CADM2: variants seen among roughly 807,000 people sequenced by gnomAD.
CADM2 encodes the protein cell adhesion molecule 2.
A neutral mutation model predicts 49.8 loss-of-function variants in CADM2; 12 were observed. The observed-to-expected ratio is 0.24, with a 90% confidence interval of 0.15 to 0.39. The LOEUF (loss-of-function observed/expected upper bound fraction) is 0.39, where lower values mean the gene tolerates loss of function less well. Ranked by LOEUF, CADM2 falls within the 10% of genes least tolerant of loss-of-function variation. The pLI is 1.00. For synonymous variants in CADM2, 214 were observed against 175.4 expected (o/e 1.22, Z -1.74); for missense variants, 378 against 492.3 (o/e 0.77, Z 2.20).
chr3:85,096,208 A>C (rs976017867), intron 1 of CADM2, among the ~76,000 whole-genome samples: 12 of 152,158 alleles, frequency 7.9e-5, no homozygotes, highest in Non-Finnish European at 5.9e-5. Context: ...GAATATTCAC[A>C]TATCTAAAAA....
intron 1 of CADM2, among the ~76,000 whole-genome samples, chr3:85,036,189 T>C (rs555279374): frequency 6.6e-6 from 1 of 152,176 alleles, no homozygotes; most frequent in Non-Finnish European, 1.5e-5. Context: ...TGATTCTGAG[T>C]ATTTCCTTCT....
intron 1 of CADM2, among the ~76,000 whole-genome samples, chr3:84,974,385 C>A (rs1423146342): frequency 6.6e-6 from 1 of 151,922 alleles, no homozygotes; most frequent in Non-Finnish European, 1.5e-5. Context: ...ATTTTACTTT[C>A]TTTTGGTTTT....
intron 1 of CADM2, among the ~76,000 whole-genome samples, chr3:84,963,269 C>T (rs74519153): frequency 6.6e-6 from 1 of 152,118 alleles, no homozygotes; most frequent in Non-Finnish European, 1.5e-5. Context: ...AAGCTTGCCA[C>T]CTGTAACTAA....
intron 3 of CADM2, among the ~76,000 whole-genome samples, chr3:85,849,397 A>G (rs1369878667): frequency 1.3e-5 from 2 of 152,214 alleles, no homozygotes; most frequent in African/African-American, 4.8e-5. Context: ...TATTTTCTGA[A>G]GAATTTTAGC....
intron 1 of CADM2, among the ~76,000 whole-genome samples, chr3:85,540,161 G>T: frequency 6.6e-6 from 1 of 152,058 alleles, no homozygotes; most frequent in Non-Finnish European, 1.5e-5. Context: ...ATGAAATCTT[G>T]TAGGATTATA....
intron 1 of CADM2, among the ~76,000 whole-genome samples, chr3:85,436,844 A>G (rs991200636): frequency 6.6e-6 from 1 of 152,202 alleles, no homozygotes; most frequent in Non-Finnish European, 1.5e-5. Context: ...ATGAACCTAC[A>G]TTGACACATC....
At chr3:85,635,215 C>T (rs1199328080) in intron 1 of CADM2, among the ~76,000 whole-genome samples, 1 of 152,082 alleles carries the variant, frequency 6.6e-6, no homozygotes, top group African/African-American at 2.4e-5. Flanking sequence ...AGGATCACAT[C>T]ATGCCTGATG....
chr3:85,817,793 A>T (rs2073306565), intron 3 of CADM2, among the ~76,000 whole-genome samples: 1 of 152,046 alleles, frequency 6.6e-6, no homozygotes, highest in African/African-American at 2.4e-5. Context: ...AGCGTCGGCG[A>T]CAGAGCGAGA....
chr3:85,132,742 A>C (rs2039275152), intron 1 of CADM2, among the ~76,000 whole-genome samples: 1 of 152,118 alleles, frequency 6.6e-6, no homozygotes, highest in Non-Finnish European at 1.5e-5. Flanking sequence ...ATAAATGCAA[A>C]ATGTTCCTCT....
At chr3:85,701,858 AAGATAGATAGATAGATAGATAGATAGAT>A (rs56934991) in intron 1 of CADM2, among the ~76,000 whole-genome samples, 6 of 146,724 alleles carry the variant, frequency 4.1e-5, no homozygotes, top group Non-Finnish European at 7.5e-5. Flanking sequence ...TCTGTTGTAA[AAGATAGATAGATAGATAGATAGATAGAT>A]AGATAGATAG....
At chr3:85,533,972 A>G (rs2061373465) in intron 1 of CADM2, among the ~76,000 whole-genome samples, 1 of 152,158 alleles carries the variant, frequency 6.6e-6, no homozygotes, top group Admixed American at 6.6e-5. Context: ...TATCATTTAG[A>G]AATGCCATAG....
At chr3:85,701,458 C>G (rs976099374) in intron 1 of CADM2, among the ~76,000 whole-genome samples, 3 of 151,538 alleles carry the variant, frequency 2.0e-5, no homozygotes, top group African/African-American at 4.8e-5. Flanking sequence ...AAGGACCCAG[C>G]AATATGCTCT....
intron 8 of CADM2, among the ~76,000 whole-genome samples, chr3:85,988,696 GT>G (rs1455412071): frequency 6.6e-6 from 1 of 152,114 alleles, no homozygotes; most frequent in Non-Finnish European, 1.5e-5. Context: ...CACCAATATT[GT>G]TTAAAGAATT....
At chr3:85,643,926 G>C (rs1349206780) in intron 1 of CADM2, among the ~76,000 whole-genome samples, 1 of 151,984 alleles carries the variant, frequency 6.6e-6, no homozygotes, top group Non-Finnish European at 1.5e-5. Context: ...AGCTACATTG[G>C]GGGTTAGGGC....
At chr3:85,524,978 G>T (rs555590963) in intron 1 of CADM2, among the ~76,000 whole-genome samples, 1 of 152,162 alleles carries the variant, frequency 6.6e-6, no homozygotes, top group Admixed American at 6.5e-5. Context: ...TTCCTTGGGA[G>T]TGGAACATCA....
chr3:85,325,943 A>G (rs1022097796), intron 1 of CADM2, among the ~76,000 whole-genome samples: 3 of 152,192 alleles, frequency 2.0e-5, no homozygotes, highest in Non-Finnish European at 4.4e-5. Context: ...TAAATGAATT[A>G]TATTTTGAAT....
chr3:85,167,475 T>C (rs2040501477), intron 1 of CADM2, among the ~76,000 whole-genome samples: 1 of 152,124 alleles, frequency 6.6e-6, no homozygotes, highest in Non-Finnish European at 1.5e-5. Flanking sequence ...CAGGAAACAT[T>C]TGAAAGCAAC....
At chr3:85,045,708 T>C (rs1375911683) in intron 1 of CADM2, among the ~76,000 whole-genome samples, 3 of 152,090 alleles carry the variant, frequency 2.0e-5, no homozygotes, top group Non-Finnish European at 4.4e-5. Flanking sequence ...TGATGACATC[T>C]TTTAGAGCTC....
At chr3:85,837,029 C>A (rs145940627) in intron 3 of CADM2, among the ~76,000 whole-genome samples, 1 of 151,270 alleles carries the variant, frequency 6.6e-6, no homozygotes, top group Admixed American at 6.6e-5. Context: ...AGTTTCCATA[C>A]GATATAGTTC....
Sources: allele counts gnomAD v4.1 joint callset (sites outside exome capture counted in the v4.1 genomes callset), GRCh38; gene constraint gnomAD v4.1.1; transcripts MANE v1.5; gene names NCBI Gene and HGNC (gene_info 2026-07-23, HGNC 2026-07-21).